The following NELL1 variants were observed in gnomAD, a reference collection of about 807,000 sequenced individuals.
NELL1 encodes the protein neural EGFL like 1, also known as protein kinase C-binding protein NELL1.
Under a neutral mutation model 107.4 loss-of-function variants are expected in NELL1, and 76 were observed. The observed-to-expected ratio is 0.71, with a 90% CI of 0.59 to 0.86. The LOEUF (loss-of-function observed/expected upper bound fraction) is 0.86, where lower values mean the gene tolerates loss of function less well. Ranked by LOEUF, NELL1 falls within the 40% of genes least tolerant of loss-of-function variation. The pLI, the probability that NELL1 is intolerant of heterozygous loss-of-function variation, is 0.00. For missense variants in NELL1, 1,024 were observed against 1,005.5 expected (o/e 1.02, Z -0.25); for synonymous variants, 353 against 341.2 (o/e 1.03, Z -0.38).
chr11:21,055,150 T>G (rs1207758878), intron 12 of NELL1, among the ~76,000 whole-genome samples: 1 of 152,122 alleles, frequency 6.6e-6, no homozygotes, highest in East Asian at 1.9e-4. Context: ...ATTGCTAATT[T>G]AAAATGTCTT....
intron 12 of NELL1, 43 bp from the exon 13 acceptor site, chr11:21,113,546 A>C (rs781766866): frequency 6.3e-7 from 1 of 1,586,324 alleles, no homozygotes; most frequent in Admixed American, 1.7e-5. Context: ...CTGTTGTTCC[A>C]TTATTTTGCT....
At chr11:20,718,656 A>G (rs978931510) in intron 2 of NELL1, among the ~76,000 whole-genome samples, 11 of 152,022 alleles carry the variant, frequency 7.2e-5, no homozygotes, top group Admixed American at 1.3e-4. Flanking sequence ...CTCCTGGCAA[A>G]ATGTATTGCT....
chr11:20,977,485 C>G (rs577756417), intron 12 of NELL1, among the ~76,000 whole-genome samples: 1 of 152,048 alleles, frequency 6.6e-6, no homozygotes, highest in Non-Finnish European at 1.5e-5. Context: ...AGGATGGTCT[C>G]GATCTCCTGA....
rs568146822 is a variant in NELL1, at chr11:21,065,012, A to G, written c.1301-48577A>G. Among the ~76,000 whole-genome samples the G allele has an allele frequency of 2.8e-4, 43 of 152,344 alleles. No homozygotes were observed. In the South Asian group the frequency reaches 8.3e-3, roughly 29 times the overall value. ...TTTTAACAATGTAGAGTTTAATGAT[A>G]CAGTGGTACATTGTGTAGACAAATC... On this transcript the variant is annotated intron_variant, in intron 12 of 19. Transcript: ENST00000357134.
chr11:21,084,413 T>C (rs888593539), intron 12 of NELL1, among the ~76,000 whole-genome samples: 1 of 152,190 alleles, frequency 6.6e-6, no homozygotes, highest in Non-Finnish European at 1.5e-5. Context: ...TAGCATAAAA[T>C]GAGATAATGA....
At chr11:21,521,642 A>G (rs1276126357) in intron 15 of NELL1, among the ~76,000 whole-genome samples, 1 of 152,156 alleles carries the variant, frequency 6.6e-6, no homozygotes, top group East Asian at 1.9e-4. Context: ...TAAAAATTAT[A>G]TATCAATTGC....
intron 12 of NELL1, among the ~76,000 whole-genome samples, chr11:21,088,400 C>T (rs1370528578): frequency 6.6e-6 from 1 of 152,006 alleles, no homozygotes; most frequent in Non-Finnish European, 1.5e-5. Context: ...GGAACTGAGG[C>T]TCTGAGAAGT....
intron 14 of NELL1, among the ~76,000 whole-genome samples, chr11:21,332,758 T>C (rs914306595): frequency 6.6e-6 from 1 of 152,034 alleles, no homozygotes; most frequent in East Asian, 1.9e-4. Flanking sequence ...TTTACAGTTT[T>C]ATGATTTCCA....
intron 2 of NELL1, among the ~76,000 whole-genome samples, chr11:20,698,526 C>T (rs1212545334): frequency 1.3e-5 from 2 of 152,206 alleles, no homozygotes; most frequent in Admixed American, 6.5e-5. Context: ...ATTGCTTCAT[C>T]TCTTAAATGT....
chr11:21,287,554 A>G (rs559916493), intron 14 of NELL1, among the ~76,000 whole-genome samples: 31 of 152,230 alleles, frequency 2.0e-4, no homozygotes, highest in Admixed American at 1.8e-3. Flanking sequence ...TCATTCCAAT[A>G]TCAATGCAAT....
chr11:21,184,568 C>T lies in NELL1; in HGVS notation c.1427-44764C>T, dbSNP rs536493500. ...TACAGGCATGAGCCATCACACCCAG[C>T]CAGGCATGCTAAATTGTGTTTCAAA... is the stretch of plus-strand genomic sequence containing the variant. On this transcript the variant is annotated intron_variant, in intron 13 of 19. Transcript: ENST00000357134. Among the ~76,000 whole-genome samples, 25 of 151,978 alleles carry T rather than the reference C, an allele frequency of 1.6e-4. No individual in the cohort carries two copies. In the East Asian group the frequency reaches 4.8e-3, roughly 29 times the overall value.
At chr11:21,479,853 A>G (rs995295814) in intron 15 of NELL1, among the ~76,000 whole-genome samples, 2 of 152,164 alleles carry the variant, frequency 1.3e-5, no homozygotes, top group African/African-American at 4.8e-5. Flanking sequence ...TTACAAAGTG[A>G]TAAACTTCAA....
At chr11:20,843,169 C>G (rs1354283177) in intron 3 of NELL1, among the ~76,000 whole-genome samples, 1 of 152,092 alleles carries the variant, frequency 6.6e-6, no homozygotes, top group Non-Finnish European at 1.5e-5. Context: ...CTGGGTTTCT[C>G]TCTATCTGGA....
chr11:21,412,847 C>T (rs1852412067), intron 15 of NELL1, among the ~76,000 whole-genome samples: 1 of 152,070 alleles, frequency 6.6e-6, no homozygotes, highest in South Asian at 2.1e-4. Context: ...AGCTTGCCAG[C>T]TGCAGAAAGT....
chr11:21,513,343 G>T (rs1006516069), intron 15 of NELL1, among the ~76,000 whole-genome samples: 3 of 152,060 alleles, frequency 2.0e-5, no homozygotes, highest in African/African-American at 7.2e-5. Context: ...ATATGGATTT[G>T]CTCTTTTGCA....
chr11:21,064,251 T>C (rs1431697047), intron 12 of NELL1, among the ~76,000 whole-genome samples: 6 of 152,098 alleles, frequency 3.9e-5, no homozygotes, highest in Non-Finnish European at 7.4e-5. Context: ...GAGTGAACTC[T>C]TCCATTTGGA....
intron 2 of NELL1, among the ~76,000 whole-genome samples, chr11:20,725,098 T>G (rs1855479621): frequency 6.6e-6 from 1 of 152,180 alleles, no homozygotes. Context: ...GATTATAATT[T>G]GAGATGAGAT....
chr11:21,087,058 C>G (rs1854410841), intron 12 of NELL1, among the ~76,000 whole-genome samples: 1 of 152,066 alleles, frequency 6.6e-6, no homozygotes, highest in African/African-American at 2.4e-5. Context: ...CCAGGATGGT[C>G]TCGATCTCCT....
chr11:20,909,178 G>T (rs780318758), intron 5 of NELL1, among the ~76,000 whole-genome samples: 4 of 152,156 alleles, frequency 2.6e-5, no homozygotes, highest in Non-Finnish European at 5.9e-5. Context: ...ATGGTGGCGG[G>T]AGTCATGGGA....
Sources: allele counts gnomAD v4.1 joint callset (sites outside exome capture counted in the v4.1 genomes callset), GRCh38; gene constraint gnomAD v4.1.1; transcripts MANE v1.5; gene names NCBI Gene and HGNC (gene_info 2026-07-23, HGNC 2026-07-21).